The following TBC1D4 variants were observed in gnomAD, a reference collection of about 807,000 sequenced individuals.
The protein encoded by TBC1D4 is TBC (Tre-2, BUB2, CDC16) domain-containing protein.
In TBC1D4, 121 loss-of-function variants were observed where a neutral mutation model predicts 142.5. The ratio of observed to expected loss-of-function variants is 0.85; its 90% CI spans 0.73 to 0.99. The LOEUF (loss-of-function observed/expected upper bound fraction) is 0.99, where lower values mean the gene tolerates loss of function less well. Among genes scored for constraint, TBC1D4 ranks in the 50% least tolerant of loss-of-function variants. TBC1D4 has a pLI of 0.00. For synonymous variants in TBC1D4, 630 were observed against 628.2 expected (o/e 1.00, Z -0.04); for missense variants, 1,475 against 1,606.6 (o/e 0.92, Z 1.40).
chr13:75,308,489 C>T (rs1276618092), intron 14 of TBC1D4, among the ~76,000 whole-genome samples: 11 of 152,200 alleles, frequency 7.2e-5, no homozygotes, highest in Admixed American at 4.6e-4. Context: ...ACTACTTCTA[C>T]TGTAGAATGA....
chr13:75,330,656 TTAC>T (rs1239740748), intron 8 of TBC1D4, among the ~76,000 whole-genome samples: 7 of 152,244 alleles, frequency 4.6e-5, no homozygotes, highest in Admixed American at 3.9e-4. Flanking sequence ...TCCTGAGCTG[TTAC>T]TACTACATCC....
At chr13:75,394,261 T>C (rs557126450) in intron 1 of TBC1D4, among the ~76,000 whole-genome samples, 4 of 152,192 alleles carry the variant, frequency 2.6e-5, no homozygotes, top group Non-Finnish European at 5.9e-5. Context: ...AAGCTTACTG[T>C]CATCTCAGAC....
chr13:75,439,379 C>T (rs922104849), intron 1 of TBC1D4, among the ~76,000 whole-genome samples: 3 of 152,048 alleles, frequency 2.0e-5, no homozygotes, highest in African/African-American at 7.2e-5. Context: ...TGAAGTAAGC[C>T]TAATATGCTT....
intron 4 of TBC1D4, 109 bp from the exon 5 acceptor site, chr13:75,349,411 GA>G: frequency 1.4e-6 from 2 of 1,409,784 alleles, no homozygotes; most frequent in Non-Finnish European, 2.0e-6. Context: ...AAAAATAATA[GA>G]ATTTTGATGA....
chr13:75,341,418 T>G, intron 6 of TBC1D4, 78 bp downstream of exon 6: 1 of 1,423,646 alleles, frequency 7.0e-7, no homozygotes, highest in South Asian at 1.2e-5. Context: ...GGCAGCAGAA[T>G]GAAAACAGGA....
At position 75,299,349 on chromosome 13, in the gene TBC1D4, G is replaced by A. The variant is rs1240052239; in HGVS notation, c.3137C>T (p.Pro1046Leu). 3.7e-6 allele frequency: 6 copies of A among 1,614,174 alleles called. No individual in the cohort carries two copies. Among genetic ancestry groups the A allele is most frequent in the South Asian group, 2.2e-5 (2 of 91,078 alleles). The change falls in exon 17 of 21, where the codon CCT (proline) becomes CTT (leucine). Residue 1046 changes from proline to leucine, a missense_variant. Transcript: ENST00000377636. ...CCTCACCTGCAGCGACATCATGTCAGGTCTGTACTGCTTGCGGAAGCCGAG... is the reference window on the plus strand; with the variant it reads ...CCTCACCTGCAGCGACATCATGTCAAGTCTGTACTGCTTGCGGAAGCCGAG... ...YDLGFRKQYR[P>L]DMMSLQIQMY...
intron 1 of TBC1D4, among the ~76,000 whole-genome samples, chr13:75,392,611 C>T (rs113529273): frequency 0.02 from 2,957 of 150,934 alleles, 72 homozygotes; most frequent in African/African-American, 0.052. Context: ...CCTTCTTCCC[C>T]CTCCTCCTCC....
At chr13:75,446,021 C>T (rs1464323887) in intron 1 of TBC1D4, among the ~76,000 whole-genome samples, 1 of 152,204 alleles carries the variant, frequency 6.6e-6, no homozygotes, top group Non-Finnish European at 1.5e-5. Context: ...TTGGAAACCG[C>T]TGGCCTAACA....
chr13:75,332,599 C>T (rs1310051145), intron 8 of TBC1D4, among the ~76,000 whole-genome samples: 4 of 151,920 alleles, frequency 2.6e-5, no homozygotes, highest in Non-Finnish European at 5.9e-5. Context: ...GGACCCCACC[C>T]CGAGAGTTTC....
chr13:75,312,882 T>C lies in TBC1D4; in HGVS notation c.2239A>G (p.Lys747Glu), dbSNP rs1332011697. The C allele has an allele frequency of 6.2e-7, 1 of 1,614,224 alleles. No individual in the cohort carries two copies. Among genetic ancestry groups the C allele is most frequent in the African/African-American group, 1.3e-5 (1 of 75,066 alleles). The change falls in exon 13 of 21, where the codon AAA becomes GAA. Residue 747 changes from lysine to glutamate, a missense_variant. Physicochemically the swap from Lys to Glu is moderately conservative, Grantham distance 56. Coordinates refer to ENST00000377636, the MANE Select transcript of TBC1D4 (RefSeq NM_014832.5). ...ASESSDGEGRKRTSSTCSNES... is the reference protein window; with the variant it reads ...ASESSDGEGRERTSSTCSNES... Reference sequence around the variant, plus strand: ...TTGCTGCAGGTAGATGAGGTCCTTTTTCTCCCTTCTCCATCACTGTTGAAA... The same window carrying C: ...TTGCTGCAGGTAGATGAGGTCCTTTCTCTCCCTTCTCCATCACTGTTGAAA...
At chr13:75,453,508 G>A (rs77913381) in intron 1 of TBC1D4, among the ~76,000 whole-genome samples, 4 of 152,032 alleles carry the variant, frequency 2.6e-5, no homozygotes, top group Admixed American at 2.6e-4. Flanking sequence ...TTAATTATAA[G>A]TGTAGTTATA....
chr13:75,444,426 C>T (rs1203317787), intron 1 of TBC1D4, among the ~76,000 whole-genome samples: 3 of 152,108 alleles, frequency 2.0e-5, no homozygotes, highest in Admixed American at 6.5e-5. Flanking sequence ...CTTTCCTGGC[C>T]TCTAACTCTT....
chr13:75,458,111 C>T (rs1278096376), intron 1 of TBC1D4, among the ~76,000 whole-genome samples: 2 of 151,984 alleles, frequency 1.3e-5, no homozygotes, highest in Non-Finnish European at 2.9e-5. Context: ...GTACCCGGGT[C>T]CTTGTCTGGC....
intron 1 of TBC1D4, among the ~76,000 whole-genome samples, chr13:75,470,853 G>A (rs1593921561): frequency 6.6e-6 from 1 of 152,070 alleles, no homozygotes; most frequent in Non-Finnish European, 1.5e-5. Context: ...CAGGTGCGGT[G>A]GAGCGTGCCT....
chr13:75,319,498 A>G (rs904933594), intron 12 of TBC1D4, among the ~76,000 whole-genome samples: 3 of 152,234 alleles, frequency 2.0e-5, no homozygotes, highest in Admixed American at 2.0e-4. Flanking sequence ...CTGTGTCCAG[A>G]CAAATGGGAG....
chr13:75,418,594 A>G (rs1193429172), intron 1 of TBC1D4, among the ~76,000 whole-genome samples: 2 of 152,232 alleles, frequency 1.3e-5, no homozygotes, highest in Non-Finnish European at 2.9e-5. Flanking sequence ...CTTAAAATAG[A>G]ACACTTGTTA....
At chr13:75,315,123 A>G (rs1878168936) in intron 12 of TBC1D4, among the ~76,000 whole-genome samples, 2 of 151,914 alleles carry the variant, frequency 1.3e-5, no homozygotes, top group East Asian at 1.9e-4. Context: ...CCTGGCCAAC[A>G]TGGGCAAAAT....
intron 2 of TBC1D4, 95 bp downstream of exon 2, chr13:75,361,931 G>A (rs1439019051): frequency 5.0e-6 from 7 of 1,393,118 alleles, no homozygotes; most frequent in Non-Finnish European, 7.1e-6. Context: ...TAGATTATTC[G>A]TTATATAGAG....
intron 15 of TBC1D4, among the ~76,000 whole-genome samples, chr13:75,304,506 C>G (rs570189385): frequency 6.6e-6 from 1 of 151,926 alleles, no homozygotes; most frequent in African/African-American, 2.4e-5. Context: ...AACAAATACA[C>G]ACATAATTAT....
Sources: allele counts gnomAD v4.1 joint callset (sites outside exome capture counted in the v4.1 genomes callset), GRCh38; gene constraint gnomAD v4.1.1; transcripts MANE v1.5; gene names NCBI Gene and HGNC (gene_info 2026-07-23, HGNC 2026-07-21).